Variants in STAMBP observed in about 807,000 individuals in gnomAD.
STAMBP encodes STAM binding protein, also known as STAM-binding protein.
Under a neutral mutation model 50.7 loss-of-function variants are expected in STAMBP, and 31 were observed. The observed-to-expected ratio is 0.61, with a 90% confidence interval of 0.46 to 0.83. STAMBP has a LOEUF of 0.83. STAMBP is among the 40% of genes least tolerant of loss of function. The probability of loss-of-function intolerance (pLI) is 0.00; values close to 1 mark genes in which losing one functional copy is unlikely to be tolerated. For synonymous variants in STAMBP, 211 were observed against 192.4 expected, an observed-to-expected ratio of 1.10 and a Z score of -0.80; for missense variants, 472 against 518.9, an observed-to-expected ratio of 0.91 and a Z score of 0.88.
rs1678462524 is a variant in STAMBP, at chr2:73,862,560, T to A, written c.*301T>A. The A allele has an allele frequency of 5.1e-6, 1 of 194,476 alleles. No individual in the cohort carries two copies. Among genetic ancestry groups the A allele is most frequent in the Non-Finnish European group, 1.0e-5 (1 of 95,688 alleles). The allele number at this position is 194,476 out of a possible 1,614,324, so 12.0% of individuals were successfully genotyped here. On this transcript the variant is annotated 3_prime_UTR_variant, in exon 10 of 10. Transcript: ENST00000394070. ...GGTATAATGAACCCCCATATACCCTTCCTTCTGGATTCACCAATTGTTAAC... is the reference window on the plus strand; with the variant it reads ...GGTATAATGAACCCCCATATACCCTACCTTCTGGATTCACCAATTGTTAAC...
chr2:73,840,107 C>G (rs1289424110), intron 2 of STAMBP, among the ~76,000 whole-genome samples: 1 of 152,098 alleles, frequency 6.6e-6, no homozygotes, highest in Non-Finnish European at 1.5e-5. Context: ...GTCTGTTCCC[C>G]CATTGTAATG....
At chr2:73,871,113 G>C (rs76802318), downstream of STAMBP, among the ~76,000 whole-genome samples, 5,416 of 152,150 alleles carry the variant, frequency 0.036, 128 homozygotes, top group Non-Finnish European at 0.056. Context: ...GTAAATGCAG[G>C]ATAAGTTTAC....
At chr2:73,856,813 C>T (rs1173606397) in intron 7 of STAMBP, among the ~76,000 whole-genome samples, 2 of 152,184 alleles carry the variant, frequency 1.3e-5, no homozygotes, top group African/African-American at 4.8e-5. Flanking sequence ...TTCCTGTCTC[C>T]ACTCCTACTG....
chr2:73,856,304 A>G (rs991449790), intron 7 of STAMBP, among the ~76,000 whole-genome samples: 1 of 152,208 alleles, frequency 6.6e-6, no homozygotes, highest in Admixed American at 6.5e-5. Flanking sequence ...AACCTGATTC[A>G]TGTTTGACCT....
downstream of STAMBP, among the ~76,000 whole-genome samples, chr2:73,868,241 C>A (rs182675331): frequency 2.8e-4 from 42 of 151,628 alleles, no homozygotes; most frequent in African/African-American, 1.0e-3. Context: ...AATATAGATG[C>A]AAAAATTCTA....
At chr2:73,835,079 G>T (rs76363817) in intron 2 of STAMBP, among the ~76,000 whole-genome samples, 3,070 of 152,246 alleles carry the variant, frequency 0.02, 104 homozygotes, top group African/African-American at 0.067. Context: ...TTTTTTAAAA[G>T]AGATGAGGTC....
At chr2:73,862,140 A>G (rs1678403776) in intron 9 of STAMBP, 63 bp from the exon 10 acceptor site, 5 of 302,756 alleles carry the variant, frequency 1.7e-5, no homozygotes, top group South Asian at 7.6e-5. Context: ...CTATATGAAG[A>G]AAAAAAAAAA....
chr2:73,845,995 A>G (rs906745639), intron 4 of STAMBP, among the ~76,000 whole-genome samples: 1 of 152,220 alleles, frequency 6.6e-6, no homozygotes, highest in Non-Finnish European at 1.5e-5. Flanking sequence ...AGAAACTGCC[A>G]GGGCGCTGTC....
rs1006072205 is a variant in STAMBP at position 73,832,108 on chromosome 2, T to TATACAC, written c.203+1050_203+1051insTACACA. On this transcript the variant is annotated intron_variant, in intron 2 of 9. Transcript: ENST00000394070. ...ACATATATATATATATATATATATA[T>TATACAC]ACACATATATATGGTGCACAATTCA... is the stretch of plus-strand genomic sequence containing the variant. Among the ~76,000 whole-genome samples, 50 of 122,892 alleles carry TATACAC rather than the reference T, an allele frequency of 4.1e-4. 2 individuals carry two copies. The East Asian group carries it at 0.012, about 28-fold the overall frequency. The allele number at this position is 122,892 out of a possible 152,430, so 80.6% of individuals were successfully genotyped here. A position where few individuals can be genotyped will look rare whatever the true frequency, so the allele number is the denominator to read the frequency against.
chr2:73,847,483 G>A lies in STAMBP; in HGVS notation c.472G>A (p.Glu158Lys), dbSNP rs780789231. 6.2e-7 allele frequency: 1 copy of A among 1,614,198 alleles called. No individual in the cohort carries two copies. Among genetic ancestry groups the A allele is most frequent in the Non-Finnish European group, 8.5e-7 (1 of 1,180,040 alleles). ...AGCACAACAGAAGCAGCAGCAATTG[G>A]AACAGGAACAGTTCCATGCCTTCGA... ...RVAQQKQQQL[E>K]QEQFHAFEEM... is the part of the protein sequence containing the mutation. Residue 158 changes from glutamate (E) to lysine (K), a missense_variant, in exon 5 of 10, where the codon GAA becomes AAA. By Grantham distance (56) the Glu-to-Lys change is moderately conservative (BLOSUM62 1). Coordinates refer to ENST00000394070, the MANE Select transcript of STAMBP (RefSeq NM_213622.4).
chr2:73,847,901 C>A, intron 5 of STAMBP, 148 bp downstream of exon 5: 1 of 1,056,934 alleles, frequency 9.5e-7, no homozygotes, highest in Non-Finnish European at 1.3e-6. Flanking sequence ...GTACTGTGTC[C>A]TAATACACTG....
intron 2 of STAMBP, among the ~76,000 whole-genome samples, chr2:73,835,975 ATTTTCT>A (rs1258865560): frequency 6.6e-6 from 1 of 150,954 alleles, no homozygotes; most frequent in Non-Finnish European, 1.5e-5. Context: ...AATGGCTGAG[ATTTTCT>A]TTTTCTTTTT....
Position 73,859,690 on chromosome 2 carries a change from TAAA to T in STAMBP, c.1118+328_1118+330del, listed in dbSNP as rs1408269839. 6.5e-5 allele frequency among the ~76,000 whole-genome samples: 9 copies of T among 139,196 alleles called. No individual in the cohort carries two copies. The East Asian group carries it at 1.4e-3, about 22-fold the overall frequency. The allele number at this position is 139,196 out of a possible 152,430, so 91.3% of individuals were successfully genotyped here. ...TTCAAAATCATAAAATATAAAAAAATAAAAAATAAAAAATAAAAAAATATAATA... is the reference window on the plus strand; with the variant it reads ...TTCAAAATCATAAAATATAAAAAAATAAATAAAAAATAAAAAAATATAATA... On this transcript the variant is annotated intron_variant, in intron 8 of 9. Coordinates refer to ENST00000394070, the MANE Select transcript of STAMBP (RefSeq NM_213622.4).
chr2:73,845,346 C>CTGTGCTTTTAA, intron 4 of STAMBP, 84 bp downstream of exon 4: 1 of 965,198 alleles, frequency 1.0e-6, no homozygotes, highest in Non-Finnish European at 1.6e-6. Context: ...TCAATATATC[C>CTGTGCTTTTAA]TGTGCTTTTA....
At chr2:73,834,174 G>A (rs1674294173) in intron 2 of STAMBP, among the ~76,000 whole-genome samples, 1 of 126,828 alleles carries the variant, frequency 7.9e-6, no homozygotes, top group Admixed American at 9.1e-5. Context: ...TCACGCCACT[G>A]CACTCCAGCC....
In STAMBP at chr2:73,834,237, ATATATATATATATATAT is replaced by A. The variant is rs1476199690; in HGVS notation, c.203+3179_203+3195del. Among the ~76,000 whole-genome samples the A allele has an allele frequency of 3.6e-4, 4 of 11,216 alleles. 1 individual carries two copies. Among genetic ancestry groups the A allele is most frequent in the Non-Finnish European group, 5.5e-4 (4 of 7,236 alleles). The allele number at this position is 11,216 out of a possible 152,430, so 7.4% of individuals were successfully genotyped here. Reference sequence around the variant, plus strand: ...AAAAAAAAAAAAAAAAAAAAAAAAAATATATATATATATATATATATATATATATATATATATATATA... The same window carrying A: ...AAAAAAAAAAAAAAAAAAAAAAAAAAATATATATATATATATATATATATA... On this transcript the variant is annotated intron_variant, in intron 2 of 9. Transcript: ENST00000394070.
intron 5 of STAMBP, among the ~76,000 whole-genome samples, chr2:73,848,660 G>A (rs569874837): frequency 1.2e-4 from 18 of 152,270 alleles, no homozygotes; most frequent in Middle Eastern, 6.8e-3. Context: ...GTCATCCCAC[G>A]ACAGAAGGGT....
downstream of STAMBP, among the ~76,000 whole-genome samples, chr2:73,868,124 CAAAAA>C (rs11383453): frequency 9.1e-6 from 1 of 110,270 alleles, no homozygotes; most frequent in African/African-American, 3.1e-5. Flanking sequence ...AACTCTGTCT[CAAAAA>C]AAAAAAAAAA....
chr2:73,845,297 G>C, intron 4 of STAMBP, 35 bp downstream of exon 4: 2 of 1,422,796 alleles, frequency 1.4e-6, no homozygotes, highest in Non-Finnish European at 2.0e-6. Context: ...AAATTATTTT[G>C]CTTTTTTAGG....
Sources: allele counts gnomAD v4.1 joint callset (sites outside exome capture counted in the v4.1 genomes callset), GRCh38; gene constraint gnomAD v4.1.1; transcripts MANE v1.5; gene names NCBI Gene and HGNC (gene_info 2026-07-23, HGNC 2026-07-21).